The following HECW1 variants were observed in gnomAD, a reference collection of about 807,000 sequenced individuals.
The protein encoded by HECW1 is E3 ubiquitin-protein ligase HECW1.
In HECW1, 61 loss-of-function variants were observed where a neutral mutation model predicts 182.3. That is an observed-to-expected ratio of 0.33 (90% CI 0.27 to 0.41). The LOEUF is 0.41. HECW1 is among the 10% of genes least tolerant of loss of function. The pLI is 1.00. For synonymous variants in HECW1, 859 were observed against 832.6 expected (o/e 1.03, Z -0.55); for missense variants, 1,739 against 2,108.9 (o/e 0.82, Z 3.44).
At chr7:43,167,793 C>A (rs932450337) in intron 2 of HECW1, among the ~76,000 whole-genome samples, 1 of 152,190 alleles carries the variant, frequency 6.6e-6, no homozygotes, top group African/African-American at 2.4e-5. Context: ...ACTAGGATCA[C>A]CTCATTTAAT....
At chr7:43,139,634 CCTT>C (rs1469277404) in intron 2 of HECW1, among the ~76,000 whole-genome samples, 2 of 152,196 alleles carry the variant, frequency 1.3e-5, no homozygotes, top group East Asian at 3.9e-4. Flanking sequence ...TATTATAATA[CCTT>C]CTTAATTTTT....
At chr7:43,122,121 T>TTCAC in intron 2 of HECW1, 1 of 152,180 alleles carries the variant, frequency 6.6e-6, no homozygotes, top group Non-Finnish European at 1.5e-5. Context: ...CAGTAACCAT[T>TTCAC]TGAAGAATGA....
intron 1 of HECW1, 140 bp from the exon 2 acceptor site, chr7:43,114,017 C>G (rs1784851296): frequency 5.1e-6 from 2 of 393,240 alleles, no homozygotes; most frequent in Non-Finnish European, 9.5e-6. Context: ...CTGCATTGGG[C>G]TGACACCAGA....
At chr7:43,336,120 TTCTTTCTCTCTCTCTCTCTC>T (rs1562853479) in intron 5 of HECW1, among the ~76,000 whole-genome samples, 74 of 75,420 alleles carry the variant, frequency 9.8e-4, no homozygotes, top group African/African-American at 1.7e-3. Flanking sequence ...CTTTCTTTCT[TTCTTTCTCTCTCTCTCTCTC>T]TCTTTCTCTC....
intron 5 of HECW1, among the ~76,000 whole-genome samples, chr7:43,335,369 G>A (rs893030501): frequency 4.6e-5 from 7 of 152,134 alleles, no homozygotes; most frequent in African/African-American, 1.2e-4. Flanking sequence ...TTACAACCTC[G>A]CTGCTATAGA....
At chr7:43,409,575 C>G (rs6415276) in intron 8 of HECW1, among the ~76,000 whole-genome samples, 57,720 of 152,054 alleles carry the variant, frequency 0.38, 11,157 homozygotes, top group Middle Eastern at 0.48. Flanking sequence ...CTTTGGTTAA[C>G]ACTGATTTTG....
At chr7:43,143,414 G>T (rs754831503) in intron 2 of HECW1, among the ~76,000 whole-genome samples, 21 of 152,234 alleles carry the variant, frequency 1.4e-4, no homozygotes, top group Admixed American at 5.9e-4. Flanking sequence ...CTCCTGAGTA[G>T]CTAGGGCTAC....
intron 6 of HECW1, among the ~76,000 whole-genome samples, chr7:43,380,952 C>T (rs1031214027): frequency 3.3e-5 from 5 of 152,224 alleles, no homozygotes; most frequent in South Asian, 2.1e-4. Flanking sequence ...ATTTACACTT[C>T]CACCAGCAGT....
Position 43,463,719 on chromosome 7 carries a change from A to G in HECW1, c.2711A>G (p.Gln904Arg), listed in dbSNP as rs369474916. The G allele has an allele frequency of 1.2e-6, 2 of 1,614,016 alleles. No homozygotes were observed. The highest frequency in any genetic ancestry group is 2.2e-5 in the East Asian group (1 of 44,880). The change falls in exon 14 of 30, where the codon CAA becomes CGA. Residue 904 changes from glutamine (Q) to arginine (R), a missense_variant. By Grantham distance (43) the Gln-to-Arg change is conservative. Coordinates refer to ENST00000395891, the MANE Select transcript of HECW1 (RefSeq NM_015052.5). ...TERSEEDSGSQSCEQAPAGGG... is the reference protein window; with the variant it reads ...TERSEEDSGSRSCEQAPAGGG... ...AGGTCCGAAGAAGATTCTGGCAGCC[A>G]AAGCTGCGAGCAAGCCCCAGCAGGA...
chr7:43,447,386 G>A (rs2077091816), intron 11 of HECW1, among the ~76,000 whole-genome samples: 1 of 152,182 alleles, frequency 6.6e-6, no homozygotes. Context: ...AGGTGGAAGA[G>A]CAGGAAGTGT....
At chr7:43,192,789 T>G (rs1348436161) in intron 2 of HECW1, among the ~76,000 whole-genome samples, 1 of 152,226 alleles carries the variant, frequency 6.6e-6, no homozygotes, top group Non-Finnish European at 1.5e-5. Flanking sequence ...ATATCCTTAC[T>G]GTCACAGGGC....
chr7:43,395,976 T>A (rs144019806), intron 6 of HECW1, among the ~76,000 whole-genome samples: 1 of 152,350 alleles, frequency 6.6e-6, no homozygotes, highest in East Asian at 1.9e-4. Context: ...CTCTTCCTAG[T>A]ACAGATTACC....
chr7:43,355,980 T>C (rs925961929), intron 5 of HECW1, among the ~76,000 whole-genome samples: 1 of 149,528 alleles, frequency 6.7e-6, no homozygotes, highest in East Asian at 2.0e-4. Flanking sequence ...AGAGCAAGAC[T>C]CCGTTAAAAA....
At position 43,444,330 on chromosome 7, in the gene HECW1, G is replaced by A; in HGVS notation, c.1158G>A (p.Glu386=). 1 of 1,614,168 alleles carries A rather than the reference G, an allele frequency of 6.2e-7. No homozygotes were observed. The highest frequency in any genetic ancestry group is 8.5e-7 in the Non-Finnish European group (1 of 1,180,028). The change falls in exon 11 of 30, where the codon GAG becomes GAA. Residue 386 remains glutamate, a synonymous_variant. Transcript: ENST00000395891. The surrounding 1 kb of genome is among the most constrained non-coding windows in gnomAD (Gnocchi z 4.3). Reference sequence around the variant, plus strand: ...GGGAACCTCGGTCTGAGGCACCAGAGTCCTCTGAGAGCTGGAAGCCAGAGC... The same window carrying A: ...GGGAACCTCGGTCTGAGGCACCAGAATCCTCTGAGAGCTGGAAGCCAGAGC... ...GSGEPRSEAP[E]SSESWKPEQL... is the part of the protein sequence containing the mutation.
At chr7:43,380,707 T>G (rs1384815978) in intron 6 of HECW1, among the ~76,000 whole-genome samples, 1 of 152,070 alleles carries the variant, frequency 6.6e-6, no homozygotes, top group East Asian at 1.9e-4. Context: ...TTTTGTATTT[T>G]TAGTAGAGAC....
intron 5 of HECW1, among the ~76,000 whole-genome samples, chr7:43,356,057 CAAT>C (rs1406078835): frequency 6.6e-6 from 1 of 152,046 alleles, no homozygotes; most frequent in East Asian, 1.9e-4. Context: ...CCTTACTTAT[CAAT>C]AATAATAACA....
At position 43,246,821 on chromosome 7, in the gene HECW1, T is replaced by G. The variant is rs151196304; in HGVS notation, c.27+2889T>G. Among the ~76,000 whole-genome samples, 918 of 151,724 alleles carry G rather than the reference T, an allele frequency of 6.1e-3. 9 individuals carry two copies. The highest frequency in any genetic ancestry group is 0.022 in the African/African-American group (887 of 41,084). ...CAGGGAAAGGGAGGAAGTGGAATTG[T>G]GTGGGGGCTGCAGCCTGGCAGAGCC... On this transcript the variant is annotated intron_variant, in intron 3 of 29. Transcript: ENST00000395891.
chr7:43,328,875 C>T (rs1811121584), intron 5 of HECW1, among the ~76,000 whole-genome samples: 1 of 152,098 alleles, frequency 6.6e-6, no homozygotes, highest in Non-Finnish European at 1.5e-5. Context: ...TCTGGATTAA[C>T]CTTAAGTTGC....
intron 24 of HECW1, among the ~76,000 whole-genome samples, chr7:43,533,349 C>T (rs1393764190): frequency 6.6e-6 from 1 of 152,150 alleles, no homozygotes; most frequent in Non-Finnish European, 1.5e-5. Flanking sequence ...GAAAACATGA[C>T]TGCTACAGAA....
Sources: gnomAD v4.1 joint callset for allele counts (sites outside exome capture counted in the v4.1 genomes callset) on GRCh38, gnomAD v4.1.1 for gene constraint, Gnocchi (gnomAD v3.1) non-coding constraint, MANE v1.5 for transcripts, NCBI Gene and HGNC (gene_info 2026-07-23, HGNC 2026-07-21) for gene names.